INPP4B: variants seen among roughly 807,000 people sequenced by gnomAD.
The protein encoded by INPP4B is inositol polyphosphate 4-phosphatase type II.
A neutral mutation model predicts 122.5 loss-of-function variants in INPP4B; 55 were observed. The ratio of observed to expected loss-of-function variants is 0.45; its 90% CI spans 0.36 to 0.56. The LOEUF (loss-of-function observed/expected upper bound fraction) is 0.56. Ranked by LOEUF, INPP4B falls within the 20% of genes least tolerant of loss-of-function variation. The pLI is 0.00. For synonymous variants in INPP4B, 403 were observed against 388.7 expected, an observed-to-expected ratio of 1.04 and a Z score of -0.43; for missense variants, 1,000 against 1,097.7, an observed-to-expected ratio of 0.91 and a Z score of 1.26.
intron 2 of INPP4B, among the ~76,000 whole-genome samples, chr4:142,525,219 C>A (rs1432554115): frequency 6.6e-6 from 1 of 152,090 alleles, no homozygotes; most frequent in Middle Eastern, 3.4e-3. Context: ...CTACAAACCA[C>A]TGCTCACTGA....
chr4:142,193,001 T>C (rs895535012), intron 15 of INPP4B, 86 bp downstream of exon 15: 23 of 777,334 alleles, frequency 3.0e-5, no homozygotes, highest in Non-Finnish European at 5.0e-5. Context: ...CTATACATTG[T>C]GATGGACCAA....
At chr4:142,355,370 T>TC (rs1263298213) in intron 7 of INPP4B, among the ~76,000 whole-genome samples, 5 of 151,866 alleles carry the variant, frequency 3.3e-5, no homozygotes, top group African/African-American at 4.8e-5. Context: ...CTCTTTTTTT[T>TC]CCCCCCACCA....
rs149639712 is a variant in INPP4B, at chr4:142,800,145, T to C, written c.-254+46064A>G. On this transcript the variant is annotated intron_variant, in intron 1 of 25. Coordinates refer to ENST00000262992, the MANE Select transcript of INPP4B (RefSeq NM_001101669.3). ...TGCATAAAAAATTAAAAGGGATAGG[T>C]GAGAGTTCTTTGTTAGCACTTTGAA... Among the ~76,000 whole-genome samples, 46 of 152,194 alleles carry C rather than the reference T, an allele frequency of 3.0e-4. No individual in the cohort carries two copies. The East Asian group carries it at 6.2e-3, about 20-fold the overall frequency.
intron 7 of INPP4B, among the ~76,000 whole-genome samples, chr4:142,374,263 C>A (rs892342473): frequency 6.6e-6 from 1 of 151,912 alleles, no homozygotes; most frequent in African/African-American, 2.4e-5. Flanking sequence ...TGGATATAAA[C>A]CCTGATTCAG....
intron 12 of INPP4B, among the ~76,000 whole-genome samples, chr4:142,219,229 G>A (rs1454982758): frequency 6.6e-6 from 1 of 152,066 alleles, no homozygotes; most frequent in Non-Finnish European, 1.5e-5. Context: ...CTGACAGTTG[G>A]AACACAGTTA....
intron 23 of INPP4B, among the ~76,000 whole-genome samples, chr4:142,089,424 G>A (rs1214784435): frequency 6.7e-6 from 1 of 148,716 alleles, no homozygotes; most frequent in Admixed American, 6.7e-5. Flanking sequence ...AGAGTAGATT[G>A]TAGATGTTCT....
rs558266896 is a variant in INPP4B at position 142,830,475 on chromosome 4, C to T, written c.-254+15734G>A. On this transcript the variant is annotated intron_variant, in intron 1 of 25. Transcript: ENST00000262992. The stretch of plus-strand genomic sequence containing the variant: ...TCTGCCAAGATCCTTGGCTCTGCCA[C>T]GGAAGAGAAAAGAGGCTAGCTAGAG... Among the ~76,000 whole-genome samples, 5 of 152,014 alleles carry T rather than the reference C, an allele frequency of 3.3e-5. No individual in the cohort carries two copies. In the East Asian group the frequency reaches 5.8e-4, roughly 18 times the overall value.
At chr4:142,801,972 C>T (rs1372934346) in intron 1 of INPP4B, among the ~76,000 whole-genome samples, 1 of 152,042 alleles carries the variant, frequency 6.6e-6, no homozygotes, top group African/African-American at 2.4e-5. Context: ...AGAAATTGAC[C>T]TAGGTGTCAT....
intron 1 of INPP4B, among the ~76,000 whole-genome samples, chr4:142,802,621 A>G (rs1343399886): frequency 2.0e-5 from 3 of 152,162 alleles, no homozygotes; most frequent in Non-Finnish European, 4.4e-5. Context: ...GCATCTCAAA[A>G]GAATTTAGCA....
At chr4:142,737,628 A>C (rs563898023) in intron 1 of INPP4B, among the ~76,000 whole-genome samples, 16 of 152,316 alleles carry the variant, frequency 1.1e-4, no homozygotes, top group African/African-American at 3.1e-4. Context: ...TAATTAAACT[A>C]AAGAGCTTCT....
At chr4:142,426,011 A>G (rs1229480735) in intron 5 of INPP4B, among the ~76,000 whole-genome samples, 1 of 142,234 alleles carries the variant, frequency 7.0e-6, no homozygotes, top group Non-Finnish European at 1.6e-5. Flanking sequence ...ATTACTTCAG[A>G]GCGTCAAGGA....
At chr4:142,784,785 G>T (rs529645586) in intron 1 of INPP4B, among the ~76,000 whole-genome samples, 12 of 152,070 alleles carry the variant, frequency 7.9e-5, no homozygotes, top group African/African-American at 2.9e-4. Context: ...CTTTTACAAT[G>T]CATCCATAGC....
chr4:142,633,749 AG>A (rs1397657434), intron 2 of INPP4B, among the ~76,000 whole-genome samples: 5 of 152,200 alleles, frequency 3.3e-5, no homozygotes, highest in African/African-American at 4.8e-5. Flanking sequence ...AATATCAAAA[AG>A]GTAAAATGAC....
intron 11 of INPP4B, among the ~76,000 whole-genome samples, chr4:142,240,577 T>C (rs894975816): frequency 5.3e-5 from 8 of 152,140 alleles, no homozygotes; most frequent in African/African-American, 1.9e-4. Flanking sequence ...ATGTTGCCTA[T>C]TTAACTTTTA....
intron 25 of INPP4B, among the ~76,000 whole-genome samples, chr4:142,081,478 T>A (rs895912217): frequency 1.3e-5 from 2 of 152,140 alleles, no homozygotes; most frequent in Non-Finnish European, 2.9e-5. Flanking sequence ...AATTCTCTAT[T>A]TTAAAGTATC....
At chr4:142,317,011 A>C (rs565780333) in intron 7 of INPP4B, among the ~76,000 whole-genome samples, 5 of 152,306 alleles carry the variant, frequency 3.3e-5, no homozygotes, top group African/African-American at 9.6e-5. Flanking sequence ...GCTATAATAG[A>C]AATATGGGCA....
At chr4:142,314,329 A>C (rs1766673019) in intron 8 of INPP4B, among the ~76,000 whole-genome samples, 3 of 152,110 alleles carry the variant, frequency 2.0e-5, no homozygotes, top group African/African-American at 4.8e-5. Context: ...AGTGGCAGGA[A>C]ACAGAAAATA....
intron 2 of INPP4B, among the ~76,000 whole-genome samples, chr4:142,653,921 A>G (rs564724718): frequency 1.3e-5 from 2 of 152,234 alleles, no homozygotes; most frequent in East Asian, 1.9e-4. Flanking sequence ...ACATGCACAC[A>G]TATGTTTACT....
chr4:142,548,344 T>C (rs1161992177), intron 2 of INPP4B, among the ~76,000 whole-genome samples: 1 of 152,114 alleles, frequency 6.6e-6, no homozygotes, highest in Non-Finnish European at 1.5e-5. Context: ...ACAATGAAAG[T>C]ATTCAAAGAA....
Sources: allele counts gnomAD v4.1 joint callset (sites outside exome capture counted in the v4.1 genomes callset), GRCh38; gene constraint gnomAD v4.1.1; transcripts MANE v1.5; gene names NCBI Gene and HGNC (gene_info 2026-07-23, HGNC 2026-07-21).